The following ANK3 variants were observed in gnomAD, a reference collection of about 807,000 sequenced individuals.
ANK3 encodes the protein ankyrin-3.
Under a neutral mutation model 370.9 loss-of-function variants are expected in ANK3, and 57 were observed. The observed-to-expected ratio is 0.15, with a 90% CI of 0.12 to 0.19. The LOEUF (loss-of-function observed/expected upper bound fraction) is 0.19, where lower values mean the gene tolerates loss of function less well. Among genes scored for constraint, ANK3 ranks in the 10% least tolerant of loss-of-function variants. The pLI, the probability that ANK3 is intolerant of heterozygous loss-of-function variation, is 1.00. For missense variants in ANK3, 4,439 were observed against 5,302.1 expected (o/e 0.84, Z 5.06); for synonymous variants, 1,929 against 1,946.3 (o/e 0.99, Z 0.23).
chr10:60,228,382 A>G (rs2132515304), intron 8 of ANK3, among the ~76,000 whole-genome samples: 1 of 152,120 alleles, frequency 6.6e-6, no homozygotes, highest in South Asian at 2.1e-4. Context: ...AAAAATACAA[A>G]AATTAGCTAG....
chr10:60,214,281 G>A (rs895372391), intron 8 of ANK3, among the ~76,000 whole-genome samples: 30 of 152,248 alleles, frequency 2.0e-4, no homozygotes, highest in African/African-American at 7.2e-4. Context: ...ACATATTAGT[G>A]CTGAGAAACC....
In ANK3 at chr10:60,072,067, C is replaced by A; in HGVS notation, c.8814G>T (p.Gly2938=). ...VLYREYVVKE[G]DHPGGLLDQP... ...GATCAAGCAATCCGCCTGGATGGTC[C>A]CCTTCTTTCACAACATATTCCCTAT... The change falls in exon 37 of 44, where the codon GGG becomes GGT. Residue 2938 remains glycine (G), a synonymous_variant. Coordinates refer to ENST00000280772, the MANE Select transcript of ANK3 (RefSeq NM_020987.5). The A allele has an allele frequency of 3.7e-6, 6 of 1,614,048 alleles. No homozygotes were observed. Among genetic ancestry groups the A allele is most frequent in the Non-Finnish European group, 4.2e-6 (5 of 1,180,008 alleles).
At chr10:60,577,096 T>G (rs1567159912) in intron 2 of ANK3, among the ~76,000 whole-genome samples, 1 of 152,220 alleles carries the variant, frequency 6.6e-6, no homozygotes, top group Non-Finnish European at 1.5e-5. Flanking sequence ...GTTTTGGTAT[T>G]TACTTTGCAC....
intron 1 of ANK3, among the ~76,000 whole-genome samples, chr10:60,325,259 T>C (rs2049553943): frequency 6.6e-6 from 1 of 152,222 alleles, no homozygotes; most frequent in African/African-American, 2.4e-5. Context: ...GCTCCCATCA[T>C]AGAGGCACTG....
chr10:60,084,245 A>T (rs1289581431), intron 32 of ANK3: 1 of 155,340 alleles, frequency 6.4e-6, no homozygotes, highest in East Asian at 1.9e-4. Context: ...TCTCTACTGA[A>T]AATACAGAAA....
At chr10:60,487,440 A>G (rs1335855374) in intron 2 of ANK3, among the ~76,000 whole-genome samples, 9 of 152,212 alleles carry the variant, frequency 5.9e-5, no homozygotes, top group Admixed American at 5.9e-4. Context: ...GCCAAATGAG[A>G]TAGAAAAGAC....
chr10:60,329,895 G>C (rs940524093), intron 1 of ANK3, among the ~76,000 whole-genome samples: 1 of 152,108 alleles, frequency 6.6e-6, no homozygotes, highest in African/African-American at 2.4e-5. Context: ...ATACTACAAG[G>C]CTACAGTAAC....
At chr10:60,198,217 G>A in intron 14 of ANK3, 123 bp downstream of exon 14, 1 of 926,800 alleles carries the variant, frequency 1.1e-6, no homozygotes. Context: ...CCATATTAAT[G>A]ACTACTGTGG....
intron 42 of ANK3, among the ~76,000 whole-genome samples, chr10:60,051,838 TA>T (rs1281662728): frequency 2.0e-5 from 3 of 151,768 alleles, no homozygotes; most frequent in Non-Finnish European, 4.4e-5. Context: ...TATAAGTTAT[TA>T]AAAAATAATT....
chr10:60,693,352 T>A (rs2079387573), intron 1 of ANK3, among the ~76,000 whole-genome samples: 1 of 152,180 alleles, frequency 6.6e-6, no homozygotes, highest in Admixed American at 6.5e-5. Flanking sequence ...CAGGCTTGCT[T>A]AGGTAAACAA....
chr10:60,468,914 C>T (rs926451012), intron 2 of ANK3, among the ~76,000 whole-genome samples: 1 of 139,520 alleles, frequency 7.2e-6, no homozygotes, highest in Non-Finnish European at 1.6e-5. Context: ...GTGGTGTGTG[C>T]ATGTATGTGT....
intron 1 of ANK3, among the ~76,000 whole-genome samples, chr10:60,363,076 G>A (rs961143194): frequency 2.1e-5 from 3 of 144,128 alleles, no homozygotes; most frequent in African/African-American, 2.5e-5. Context: ...GGGTTGCGGC[G>A]GGCGGGCGGG....
At chr10:60,450,347 C>T (rs1194012418) in intron 2 of ANK3, among the ~76,000 whole-genome samples, 1 of 152,084 alleles carries the variant, frequency 6.6e-6, no homozygotes. Flanking sequence ...CGGTGTTTGC[C>T]ACTTTCCATG....
chr10:60,192,259 A>C (rs1591527370), intron 16 of ANK3, among the ~76,000 whole-genome samples: 1 of 151,964 alleles, frequency 6.6e-6, no homozygotes, highest in East Asian at 1.9e-4. Flanking sequence ...AGATATATAT[A>C]CATACATATA....
At chr10:60,055,119 A>G (rs1180765986) in intron 42 of ANK3, among the ~76,000 whole-genome samples, 2 of 152,170 alleles carry the variant, frequency 1.3e-5, no homozygotes, top group African/African-American at 4.8e-5. Flanking sequence ...TAAATTTCTA[A>G]CTAACTGCTG....
intron 21 of ANK3, among the ~76,000 whole-genome samples, chr10:60,171,359 C>G (rs1182002330): frequency 6.6e-6 from 1 of 152,170 alleles, no homozygotes; most frequent in Non-Finnish European, 1.5e-5. Context: ...TGCCAGATAA[C>G]TCAAACTGCA....
intron 2 of ANK3, among the ~76,000 whole-genome samples, chr10:60,534,166 C>A (rs1462123046): frequency 6.6e-6 from 1 of 152,082 alleles, no homozygotes; most frequent in Non-Finnish European, 1.5e-5. Flanking sequence ...AAGCTAGAGA[C>A]CTCTGTGGTT....
chr10:60,257,766 A>G (rs1017824355), intron 7 of ANK3, among the ~76,000 whole-genome samples: 4 of 152,152 alleles, frequency 2.6e-5, no homozygotes, highest in Non-Finnish European at 5.9e-5. Flanking sequence ...TAATCTGTAA[A>G]CCACCCGAAA....
upstream of ANK3, among the ~76,000 whole-genome samples, chr10:60,394,735 A>G (rs2063181595): frequency 6.6e-6 from 1 of 152,212 alleles, no homozygotes; most frequent in African/African-American, 2.4e-5. Flanking sequence ...TTCTGAGTGC[A>G]AAGCAGGCAC....
Sources: allele counts gnomAD v4.1 joint callset (sites outside exome capture counted in the v4.1 genomes callset), GRCh38; gene constraint gnomAD v4.1.1; transcripts MANE v1.5; gene names NCBI Gene and HGNC (gene_info 2026-07-23, HGNC 2026-07-21).